Variants in RRAS2 observed in about 807,000 individuals in gnomAD.
The protein encoded by RRAS2 is RAS related 2.
Under a neutral mutation model 27.6 loss-of-function variants are expected in RRAS2, and 7 were observed. The ratio of observed to expected loss-of-function variants is 0.25; its 90% confidence interval spans 0.14 to 0.48. The LOEUF is 0.48. Among genes scored for constraint, RRAS2 ranks in the 20% least tolerant of loss-of-function variants. The pLI is 0.99. For missense variants in RRAS2, 178 were observed against 256.2 expected, an observed-to-expected ratio of 0.69 and a Z score of 2.08; for synonymous variants, 86 against 90.9, an observed-to-expected ratio of 0.95 and a Z score of 0.31.
At chr11:14,284,539 T>C (rs1849614936) in intron 4 of RRAS2, among the ~76,000 whole-genome samples, 1 of 152,212 alleles carries the variant, frequency 6.6e-6, no homozygotes, top group Admixed American at 6.5e-5. Flanking sequence ...GTTCAAGTCA[T>C]CTGTATCCTT....
At chr11:14,294,949 A>G (rs1315344513) in intron 2 of RRAS2, 87 bp from the exon 3 acceptor site, 1 of 1,052,440 alleles carries the variant, frequency 9.5e-7, no homozygotes, top group African/African-American at 1.6e-5. Flanking sequence ...TGAGTCCTCT[A>G]GAGAGCCTCA....
intron 1 of RRAS2, among the ~76,000 whole-genome samples, chr11:14,329,241 A>G (rs1421455703): frequency 6.6e-6 from 1 of 151,808 alleles, no homozygotes; most frequent in Non-Finnish European, 1.5e-5. Flanking sequence ...CAGCCTCCCA[A>G]GTAGCTGGGA....
intron 1 of RRAS2, among the ~76,000 whole-genome samples, chr11:14,354,755 C>T (rs577500573): frequency 6.9e-6 from 1 of 143,958 alleles, no homozygotes; most frequent in South Asian, 2.2e-4. Context: ...TGACTCACTG[C>T]GACCTCCACC....
chr11:14,331,074 G>A (rs542947737), intron 1 of RRAS2, among the ~76,000 whole-genome samples: 14 of 152,238 alleles, frequency 9.2e-5, no homozygotes, highest in East Asian at 1.9e-4. Context: ...GAGCCACTGC[G>A]CCTGACCCTA....
At chr11:14,350,230 C>T (rs1848921643) in intron 1 of RRAS2, among the ~76,000 whole-genome samples, 1 of 152,130 alleles carries the variant, frequency 6.6e-6, no homozygotes, top group Admixed American at 6.5e-5. Flanking sequence ...TCCTCCAAAT[C>T]TCATATTGAA....
chr11:14,327,980 G>A (rs893057269), intron 1 of RRAS2, among the ~76,000 whole-genome samples: 6 of 152,076 alleles, frequency 3.9e-5, no homozygotes, highest in South Asian at 2.1e-4. Flanking sequence ...AAAGTTAAAT[G>A]GCTTCATTAG....
rs1385750550 is a variant in RRAS2, at chr11:14,287,578, T to TA, written c.409-5859dup. On this transcript the variant is annotated intron_variant, in intron 4 of 5. Coordinates refer to ENST00000256196, the MANE Select transcript of RRAS2 (RefSeq NM_012250.6). The stretch of plus-strand genomic sequence containing the variant: ...GCAACTCACCTATCCTTATATAGGG[T>TA]AAAAAAAGTTAGGCCAGGCATGGTG... Among the ~76,000 whole-genome samples the TA allele has an allele frequency of 5.3e-5, 8 of 151,720 alleles. No individual in the cohort carries two copies. The South Asian group carries it at 6.2e-4, about 12-fold the overall frequency.
At chr11:14,345,084 T>G (rs1032599300) in intron 1 of RRAS2, among the ~76,000 whole-genome samples, 1 of 148,790 alleles carries the variant, frequency 6.7e-6, no homozygotes, top group Non-Finnish European at 1.5e-5. Flanking sequence ...ACTCCTGGGT[T>G]CAAGAGATTC....
chr11:14,354,736 G>A (rs1849037116), intron 1 of RRAS2, among the ~76,000 whole-genome samples: 1 of 147,830 alleles, frequency 6.8e-6, no homozygotes, highest in Non-Finnish European at 1.5e-5. Flanking sequence ...GAGTGCAGTG[G>A]CGCAACCTTG....
At chr11:14,281,139 G>A (rs1849523080) in intron 5 of RRAS2, among the ~76,000 whole-genome samples, 1 of 152,196 alleles carries the variant, frequency 6.6e-6, no homozygotes, top group South Asian at 2.1e-4. Context: ...TGGAATCAGA[G>A]GTTTGAATTA....
At chr11:14,290,762 T>C (rs1399959734) in intron 4 of RRAS2, among the ~76,000 whole-genome samples, 2 of 152,172 alleles carry the variant, frequency 1.3e-5, no homozygotes, top group African/African-American at 4.8e-5. Flanking sequence ...GAATGCCTGA[T>C]GTCTGTAGAA....
chr11:14,357,380 ATC>A (rs1289978156), intron 1 of RRAS2, among the ~76,000 whole-genome samples: 7 of 152,026 alleles, frequency 4.6e-5, no homozygotes, highest in Non-Finnish European at 8.8e-5. Flanking sequence ...GATACGTACA[ATC>A]TCTCTGCGCC....
upstream of RRAS2, among the ~76,000 whole-genome samples, chr11:14,359,554 G>A (rs1849161066): frequency 1.3e-5 from 2 of 152,246 alleles, no homozygotes; most frequent in South Asian, 4.1e-4. Context: ...AAAACAGTAT[G>A]TGACAGTGAT....
chr11:14,307,915 C>A (rs781948936), intron 1 of RRAS2, among the ~76,000 whole-genome samples: 7 of 151,838 alleles, frequency 4.6e-5, no homozygotes, highest in Admixed American at 1.3e-4. Flanking sequence ...CTTATCCTGC[C>A]GATAGGTCTG....
At chr11:14,300,898 C>T (rs1847681964) in intron 1 of RRAS2, among the ~76,000 whole-genome samples, 1 of 152,164 alleles carries the variant, frequency 6.6e-6, no homozygotes, top group South Asian at 2.1e-4. Context: ...CCAAACACTG[C>T]CACAGAGTGG....
chr11:14,343,356 A>G (rs1445156096), intron 1 of RRAS2, among the ~76,000 whole-genome samples: 3 of 152,244 alleles, frequency 2.0e-5, no homozygotes, highest in Non-Finnish European at 2.9e-5. Flanking sequence ...GCTTCATAAT[A>G]GTAAGGAAAT....
chr11:14,358,347 G>A lies in RRAS2; in HGVS notation c.108+416C>T, dbSNP rs1849126215. The A allele has an allele frequency of 2.0e-6, 2 of 985,528 alleles. No homozygotes were observed. The highest frequency in any genetic ancestry group is 2.4e-6 in the Non-Finnish European group (2 of 830,014). The allele number at this position is 985,528 out of a possible 1,614,324, so 61.0% of individuals were successfully genotyped here. On this transcript the variant is annotated intron_variant, in intron 1 of 5. Transcript: ENST00000256196. This position sits in a 1 kb window ranked among gnomAD's most constrained non-coding sequence, Gnocchi z 5.1. Reference sequence around the variant, plus strand: ...AGTTGCCACCGCTATCGCCCCGACGGTGAAGGCGCGGCCGCAGGCGGCTGG... The same window carrying A: ...AGTTGCCACCGCTATCGCCCCGACGATGAAGGCGCGGCCGCAGGCGGCTGG...
rs1312826982 is a variant in RRAS2, at chr11:14,278,225, C to A, written c.*1112G>T. On this transcript the variant is annotated 3_prime_UTR_variant, in exon 6 of 6. Coordinates refer to ENST00000256196, the MANE Select transcript of RRAS2 (RefSeq NM_012250.6). ...TTTCAGAGTCTCATCCTGTTGTACT[C>A]TATTGGGAAGGTTTCTTGAGTAGTT... 5 of 152,200 alleles carry A rather than the reference C, an allele frequency of 3.3e-5. No individual in the cohort carries two copies. Among genetic ancestry groups the A allele is most frequent in the Non-Finnish European group, 7.3e-5 (5 of 68,040 alleles). The allele number at this position is 152,200 out of a possible 1,614,324, so 9.4% of individuals were successfully genotyped here.
At chr11:14,322,457 AAAG>A (rs1288320188) in intron 1 of RRAS2, among the ~76,000 whole-genome samples, 4 of 152,176 alleles carry the variant, frequency 2.6e-5, no homozygotes, top group African/African-American at 9.6e-5. Flanking sequence ...AAAAAAACAC[AAAG>A]AAATATCAAA....
Sources: allele counts gnomAD v4.1 joint callset (sites outside exome capture counted in the v4.1 genomes callset), GRCh38; gene constraint gnomAD v4.1.1; non-coding constraint Gnocchi (gnomAD v3.1); transcripts MANE v1.5; gene names NCBI Gene and HGNC (gene_info 2026-07-23, HGNC 2026-07-21).